PEX6: variants seen among roughly 807,000 people sequenced by gnomAD.
PEX6 encodes the protein peroxisome biogenesis factor 6.
In PEX6, 55 loss-of-function variants were observed where a neutral mutation model predicts 85.6. The observed-to-expected ratio is 0.64, with a 90% confidence interval of 0.52 to 0.80. The LOEUF is 0.80. Among genes scored for constraint, PEX6 ranks in the 30% least tolerant of loss-of-function variants. The probability of loss-of-function intolerance (pLI) is 0.00; values close to 1 mark genes in which losing one functional copy is unlikely to be tolerated. For synonymous variants in PEX6, 519 were observed against 549.1 expected (o/e 0.95, Z 0.77); for missense variants, 1,099 against 1,260.3 (o/e 0.87, Z 1.94).
At position 42,964,511 on chromosome 6, in the gene PEX6, G is replaced by C. The variant is rs1769655501; in HGVS notation, c.2807-40C>G. The stretch of plus-strand genomic sequence containing the variant: ...GTGGGGAGGCTGTGGTCTATGCCCA[G>C]GCAGGGGAGAGCCCTGCGAAGGTGG... On this transcript the variant is annotated intron_variant, in intron 16 of 16. Transcript: ENST00000304611. The surrounding 1 kb of genome is among the most constrained non-coding windows in gnomAD (Gnocchi z 4.6). 1 of 1,611,428 alleles carries C rather than the reference G, an allele frequency of 6.2e-7. No individual in the cohort carries two copies. Among genetic ancestry groups the C allele is most frequent in the Non-Finnish European group, 8.5e-7 (1 of 1,179,336 alleles).
At chr6:42,974,442 G>GTTTTTTTTTTTT (rs71855084) in intron 2 of PEX6, among the ~76,000 whole-genome samples, 19 of 115,976 alleles carry the variant, frequency 1.6e-4, no homozygotes, top group Non-Finnish European at 2.6e-4. Context: ...TGTCTGAAAT[G>GTTTTTTTTTTTT]TTTTTTTTGT....
At chr6:42,966,922 C>A (rs1473310638) in intron 8 of PEX6, 64 bp from the exon 9 acceptor site, 1 of 1,269,044 alleles carries the variant, frequency 7.9e-7, no homozygotes, top group Non-Finnish European at 1.1e-6. Flanking sequence ...CAGGGACCGT[C>A]CCCCAGCTAG....
rs148562506 is a variant in PEX6, at chr6:42,966,333, G to A, written c.2209C>T (p.Arg737Cys). The change falls in exon 11 of 17, where the codon CGC becomes TGC. Residue 737 changes from arginine (R) to cysteine (C), a missense_variant. Arg to Cys is a radical substitution (Grantham distance 180). Around this residue, in one of 3 missense-constraint regions of PEX6, gnomAD observed 514 missense variants for 627.0 expected, o/e 0.82. Transcript: ENST00000304611. ...HPELLSLGLR[R>C]SGLLLHGPPG... is the part of the protein sequence containing the mutation. ...GGCCCATGGAGCAGAAGGCCTGAGC[G>A]TCTCAGGCCCAGGCTCAGTAGCTCA... 8.1e-6 allele frequency: 13 copies of A among 1,613,318 alleles called. No individual in the cohort carries two copies. In the Admixed American group the frequency reaches 8.3e-5, roughly 10 times the overall value.
intron 3 of PEX6, among the ~76,000 whole-genome samples, chr6:42,972,175 T>C (rs997324359): frequency 3.9e-5 from 6 of 152,216 alleles, no homozygotes; most frequent in African/African-American, 1.4e-4. Context: ...CCACAGACCT[T>C]GGACATGAAG....
In PEX6 at chr6:42,966,466, G is replaced by A. The variant is rs201875496; in HGVS notation, c.2095-19C>T. Reference sequence around the variant, plus strand: ...AGGGGATCTAGGAGATGGAAAGTGCGTGGTTGGGATATGCTCTTGGAGGGG... The same window carrying A: ...AGGGGATCTAGGAGATGGAAAGTGCATGGTTGGGATATGCTCTTGGAGGGG... On this transcript the variant is annotated intron_variant, in intron 10 of 16. Coordinates refer to ENST00000304611, the MANE Select transcript of PEX6 (RefSeq NM_000287.4). 64 of 1,614,122 alleles carry A rather than the reference G, an allele frequency of 4.0e-5. No homozygotes were observed. Among genetic ancestry groups the A allele is most frequent in the Middle Eastern group, 1.6e-4 (1 of 6,062 alleles).
chr6:42,965,276 T>C lies in PEX6; in HGVS notation c.2564A>G (p.Asp855Gly), dbSNP rs1325234169. Residue 855 changes from aspartate to glycine, a missense_variant, in exon 14 of 17, where the codon GAC becomes GGC. By Grantham distance (94) the Asp-to-Gly change is moderately conservative. Around this residue, in one of 3 missense-constraint regions of PEX6, gnomAD observed 514 missense variants for 627.0 expected, o/e 0.82. Transcript: ENST00000304611. The surrounding 1 kb of genome is among the most constrained non-coding windows in gnomAD (Gnocchi z 5.0). ...IGATNRPDLL[D>G]PALLRPGRFD... ...CCTGCCAGGCCGCAGAAGGGCAGGG[T>C]CCAGGAGATCTGGTCTGTTGGTGGC... is the stretch of plus-strand genomic sequence containing the variant. 6.2e-7 allele frequency: 1 copy of C among 1,613,794 alleles called. No homozygotes were observed. Among genetic ancestry groups the C allele is most frequent in the Non-Finnish European group, 8.5e-7 (1 of 1,179,872 alleles).
intron 7 of PEX6, 94 bp from the exon 8 acceptor site, chr6:42,967,657 G>T: frequency 8.9e-7 from 1 of 1,121,324 alleles, no homozygotes; most frequent in Non-Finnish European, 1.3e-6. Context: ...GGGCAGGGAA[G>T]TGAGGTGGGT....
In PEX6 at chr6:42,966,205, T is replaced by TGATCCACC. The variant is rs772061164; in HGVS notation, c.2300+29_2300+36dup. 5.0e-6 allele frequency: 8 copies of TGATCCACC among 1,610,242 alleles called. No individual in the cohort carries two copies. In the South Asian group the frequency reaches 6.6e-5, roughly 13 times the overall value. On this transcript the variant is annotated intron_variant, in intron 11 of 16. Coordinates refer to ENST00000304611, the MANE Select transcript of PEX6 (RefSeq NM_000287.4). ...CTGCTCCCCAGCCTGCTGCAGCCCC[T>TGATCCACC]GATCCACCCACCATCCCTTCCAGGC...
Position 42,968,477 on chromosome 6 carries a change from C to T in PEX6, c.1501G>A (p.Ala501Thr), listed in dbSNP as rs1174579335. 3 of 1,585,740 alleles carry T rather than the reference C, an allele frequency of 1.9e-6. No homozygotes were observed. The highest frequency in any genetic ancestry group is 2.7e-5 in the African/African-American group (2 of 74,194). The change falls in exon 7 of 17, where the codon GCA becomes ACA. Residue 501 changes from alanine to threonine, a missense_variant. By Grantham distance (58) the Ala-to-Thr change is moderately conservative. Around this residue, in one of 3 missense-constraint regions of PEX6, gnomAD observed 514 missense variants for 627.0 expected, o/e 0.82. Transcript: ENST00000304611. ...GTCTCCACAGCCCCACTACTTTCTG[C>T]ACAGAGGCTGGAGCAGGGCACCTGG... ...LLKVPCSSLC[A>T]ESSGAVETKL...
chr6:42,967,955 T>C (rs962580697), intron 7 of PEX6, among the ~76,000 whole-genome samples: 2 of 149,354 alleles, frequency 1.3e-5, no homozygotes, highest in African/African-American at 4.9e-5. Context: ...CCCTTTTTTT[T>C]TTTTTTTTAA....
At position 42,974,030 on chromosome 6, in the gene PEX6, A is replaced by G. The variant is rs777852107; in HGVS notation, c.1103T>C (p.Leu368Pro). Residue 368 changes from leucine (L) to proline (P), a missense_variant, in exon 3 of 17, where the codon CTG (leucine) becomes CCG (proline). Coordinates refer to ENST00000304611, the MANE Select transcript of PEX6 (RefSeq NM_000287.4). ...GGGCAGTTTCTCTGGACTTCCTTCC[A>G]GGATCTCTACTTGCCCAATTGTTGG... is the stretch of plus-strand genomic sequence containing the variant. ...CVPTIGQVEI[L>P]EGSPEKLPRW... 1 of 1,614,050 alleles carries G rather than the reference A, an allele frequency of 6.2e-7. No individual in the cohort carries two copies. Among genetic ancestry groups the G allele is most frequent in the Non-Finnish European group, 8.5e-7 (1 of 1,179,908 alleles).
rs2114238020 is a variant in PEX6, at chr6:42,965,495, C to T, written c.2472-127G>A. The T allele has an allele frequency of 2.2e-6, 2 of 903,336 alleles. No individual in the cohort carries two copies. The highest frequency in any genetic ancestry group is 1.6e-5 in the African/African-American group (1 of 61,504). The allele number at this position is 903,336 out of a possible 1,614,324, so 56.0% of individuals were successfully genotyped here. On this transcript the variant is annotated intron_variant, in intron 13 of 16. Coordinates refer to ENST00000304611, the MANE Select transcript of PEX6 (RefSeq NM_000287.4). This position sits in a 1 kb window ranked among gnomAD's most constrained non-coding sequence, Gnocchi z 5.0. ...ACTCAGCTGTGCCCAATGTGCCCCA[C>T]CAGGTAGGCCCCCATTCTCCTCAGT...
intron 6 of PEX6, 73 bp downstream of exon 6, chr6:42,968,801 G>A: frequency 8.9e-7 from 1 of 1,120,786 alleles, no homozygotes; most frequent in South Asian, 1.2e-5. Context: ...GGAGGGGAGA[G>A]GAAGCAGCAG....
rs1418426929 is a variant in PEX6 at position 42,964,843 on chromosome 6, C to T, written c.2753G>A (p.Cys918Tyr). 2 of 1,614,130 alleles carry T rather than the reference C, an allele frequency of 1.2e-6. No homozygotes were observed. Among genetic ancestry groups the T allele is most frequent in the South Asian group, 1.1e-5 (1 of 91,084 alleles). ...QLTGADLYSL[C>Y]SDAMTAALKR... ...GAGGGCAGCTGTCATAGCATCAGAG[C>T]AGAGAGAGTAGAGGTCCGCGCCCGT... Residue 918 changes from cysteine (C) to tyrosine (Y), a missense_variant, in exon 16 of 17, where the codon TGC (cysteine) becomes TAC (tyrosine). Physicochemically the swap from Cys to Tyr is radical, Grantham distance 194. This residue lies in a region of PEX6 where 514 missense variants were observed against 627.0 expected (regional missense o/e 0.82). Coordinates refer to ENST00000304611, the MANE Select transcript of PEX6 (RefSeq NM_000287.4). This position sits in a 1 kb window ranked among gnomAD's most constrained non-coding sequence, Gnocchi z 4.6.
chr6:42,972,122 A>C (rs1045414538), intron 3 of PEX6, among the ~76,000 whole-genome samples: 1 of 152,156 alleles, frequency 6.6e-6, no homozygotes, highest in Non-Finnish European at 1.5e-5. Flanking sequence ...AGGCACTCCA[A>C]ACAAGGACTG....
At chr6:42,975,158 G>GTT in intron 1 of PEX6, 120 bp from the exon 2 acceptor site, 1 of 886,646 alleles carries the variant, frequency 1.1e-6, no homozygotes, top group Non-Finnish European at 1.9e-6. Flanking sequence ...AAGGCTTGTG[G>GTT]AAGGTGGGGC....
chr6:42,972,322 G>C (rs564335861), intron 3 of PEX6, among the ~76,000 whole-genome samples: 17 of 152,244 alleles, frequency 1.1e-4, no homozygotes, highest in Non-Finnish European at 2.4e-4. Flanking sequence ...GGCTAAAGCA[G>C]TGTCTCAATT....
At chr6:42,969,245 C>T (rs762761945) in intron 5 of PEX6, among the ~76,000 whole-genome samples, 10 of 152,212 alleles carry the variant, frequency 6.6e-5, no homozygotes, top group Non-Finnish European at 8.8e-5. Context: ...GCCAATAAAA[C>T]CTCAACGTTA....
rs1233039273 is a variant in PEX6 at position 42,978,643 on chromosome 6, A to G, written c.508T>C (p.Ser170Pro). Reference protein sequence around the residue: ...LRGRARLCPESGDSSRPPPPP... With the variant: ...LRGRARLCPEPGDSSRPPPPP... The stretch of plus-strand genomic sequence containing the variant: ...GGTGGGGGCCGACTGCTGTCCCCAG[A>G]CTCTGGACACAGTCTGGCCCGCCCG... Residue 170 changes from serine (S) to proline (P), a missense_variant, in exon 1 of 17, where the codon TCT becomes CCT. Physicochemically the swap from Ser to Pro is moderately conservative, Grantham distance 74. Coordinates refer to ENST00000304611, the MANE Select transcript of PEX6 (RefSeq NM_000287.4). 6 of 1,579,814 alleles carry G rather than the reference A, an allele frequency of 3.8e-6. No individual in the cohort carries two copies. Among genetic ancestry groups the G allele is most frequent in the Non-Finnish European group, 5.1e-6 (6 of 1,169,168 alleles).
Sources: allele counts gnomAD v4.1 joint callset (sites outside exome capture counted in the v4.1 genomes callset), GRCh38; gene constraint gnomAD v4.1.1; regional missense constraint gnomAD v4.1.1; non-coding constraint Gnocchi (gnomAD v3.1); transcripts MANE v1.5; gene names NCBI Gene and HGNC (gene_info 2026-07-23, HGNC 2026-07-21).